SEZ6L: variants seen among roughly 807,000 people sequenced by gnomAD.
SEZ6L encodes seizure 6-like protein.
A neutral mutation model predicts 106.2 loss-of-function variants in SEZ6L; 37 were observed. That is an observed-to-expected ratio of 0.35 (90% confidence interval 0.27 to 0.46). The LOEUF (loss-of-function observed/expected upper bound fraction) is 0.46. SEZ6L is among the 20% of genes least tolerant of loss of function. The pLI, the probability that SEZ6L is intolerant of heterozygous loss-of-function variation, is 1.00. For synonymous variants in SEZ6L, 541 were observed against 570.4 expected (o/e 0.95, Z 0.73); for missense variants, 1,172 against 1,332.8 (o/e 0.88, Z 1.88).
intron 9 of SEZ6L, among the ~76,000 whole-genome samples, chr22:26,323,133 C>T (rs1166732247): frequency 6.6e-6 from 1 of 152,154 alleles, no homozygotes; most frequent in African/African-American, 2.4e-5. Flanking sequence ...GGGCCACAAC[C>T]TTGAAGATGC....
chr22:26,207,319 G>A (rs1941325686), intron 1 of SEZ6L, among the ~76,000 whole-genome samples: 1 of 152,174 alleles, frequency 6.6e-6, no homozygotes, highest in African/African-American at 2.4e-5. Flanking sequence ...TTTGCAGGGA[G>A]ACCTCATATA....
intron 1 of SEZ6L, among the ~76,000 whole-genome samples, chr22:26,181,510 A>T (rs1939391702): frequency 6.6e-6 from 1 of 152,224 alleles, no homozygotes; most frequent in African/African-American, 2.4e-5. Flanking sequence ...TAATTTGCAT[A>T]CTTTAACTTC....
chr22:26,293,483 A>G (rs1013699493), intron 2 of SEZ6L, among the ~76,000 whole-genome samples: 1 of 152,146 alleles, frequency 6.6e-6, no homozygotes, highest in Non-Finnish European at 1.5e-5. Flanking sequence ...AGCATGCACT[A>G]TGATGTCCAG....
intron 16 of SEZ6L, among the ~76,000 whole-genome samples, chr22:26,379,680 A>G (rs753222923): frequency 6.6e-6 from 1 of 152,248 alleles, no homozygotes; most frequent in Non-Finnish European, 1.5e-5. Flanking sequence ...GCAATGGTAG[A>G]TCAGGGCATA....
intron 1 of SEZ6L, among the ~76,000 whole-genome samples, chr22:26,188,799 G>C (rs926299295): frequency 6.6e-6 from 1 of 152,150 alleles, no homozygotes; most frequent in Non-Finnish European, 1.5e-5. Flanking sequence ...CTTAACCCGG[G>C]AGATTATGGT....
At chr22:26,293,217 G>A (rs2081195223) in intron 2 of SEZ6L, 71 bp downstream of exon 2, 12 of 1,442,552 alleles carry the variant, frequency 8.3e-6, no homozygotes, top group Non-Finnish European at 1.1e-5. Context: ...AGGGCATGTG[G>A]GTAGAGGAAT....
At chr22:26,314,660 G>A (rs181122779) in intron 9 of SEZ6L, among the ~76,000 whole-genome samples, 1 of 152,328 alleles carries the variant, frequency 6.6e-6, no homozygotes, top group East Asian at 1.9e-4. Context: ...TGTATTCACA[G>A]GGGGTAACCA....
chr22:26,320,761 G>A (rs1250551825), intron 9 of SEZ6L, among the ~76,000 whole-genome samples: 2 of 152,186 alleles, frequency 1.3e-5, no homozygotes, highest in Non-Finnish European at 2.9e-5. Context: ...GTCTAAGTCA[G>A]TTTTTCTCAA....
Position 26,292,508 on chromosome 22 carries a change from T to C in SEZ6L, c.197T>C (p.Val66Ala). 1 of 1,612,822 alleles carries C rather than the reference T, an allele frequency of 6.2e-7. No homozygotes were observed. Among genetic ancestry groups the C allele is most frequent in the African/African-American group, 1.3e-5 (1 of 74,654 alleles). The change falls in exon 2 of 17, where the codon GTG (valine) becomes GCG (alanine). Residue 66 changes from valine to alanine, a missense_variant. Physicochemically the swap from Val to Ala is moderately conservative, Grantham distance 64. Coordinates refer to ENST00000248933, the MANE Select transcript of SEZ6L (RefSeq NM_021115.5). ...GGCAAAGAGCACCCTGAAGAGAGAG[T>C]GGTAACAGCGCCCCCCAGTTCCTCA... ...SPGKEHPEER[V>A]VTAPPSSSQS...
At chr22:26,180,993 T>A (rs942851987) in intron 1 of SEZ6L, among the ~76,000 whole-genome samples, 2 of 152,212 alleles carry the variant, frequency 1.3e-5, no homozygotes, top group Non-Finnish European at 2.9e-5. Flanking sequence ...ACTCTGCCAA[T>A]TCTGTGTTGT....
chr22:26,257,145 A>G (rs1179205056), intron 1 of SEZ6L, among the ~76,000 whole-genome samples: 2 of 152,202 alleles, frequency 1.3e-5, no homozygotes, highest in African/African-American at 4.8e-5. Flanking sequence ...GCTATTAAAC[A>G]TCTTAAAATG....
chr22:26,219,254 G>GTTGT (rs1556124263), intron 1 of SEZ6L, among the ~76,000 whole-genome samples: 48 of 135,088 alleles, frequency 3.6e-4, no homozygotes, highest in East Asian at 6.4e-4. Flanking sequence ...AGAAATACAA[G>GTTGT]TTTTTTTTTT....
At chr22:26,298,876 G>A (rs2081372529) in intron 4 of SEZ6L, 108 bp from the exon 5 acceptor site, 1 of 1,021,822 alleles carries the variant, frequency 9.8e-7, no homozygotes, top group Non-Finnish European at 1.4e-6. Flanking sequence ...GGAGTCCCCA[G>A]GGGCCTCATC....
rs565139727 is a variant in SEZ6L, at chr22:26,224,979, C to A, written c.94+55216C>A. 1.1e-3 allele frequency among the ~76,000 whole-genome samples: 174 copies of A among 152,084 alleles called. 1 individual carries two copies. Among genetic ancestry groups the A allele is most frequent in the Non-Finnish European group, 2.1e-3 (142 of 68,026 alleles). On this transcript the variant is annotated intron_variant, in intron 1 of 16. Coordinates refer to ENST00000248933, the MANE Select transcript of SEZ6L (RefSeq NM_021115.5). ...CTAGCTATTGTTACAAAAAAAAAGCCCTACAATTAACATGTTTCACTTTGG... is the reference window on the plus strand; with the variant it reads ...CTAGCTATTGTTACAAAAAAAAAGCACTACAATTAACATGTTTCACTTTGG...
chr22:26,243,745 A>C (rs2079219179), intron 1 of SEZ6L, among the ~76,000 whole-genome samples: 1 of 152,154 alleles, frequency 6.6e-6, no homozygotes, highest in Non-Finnish European at 1.5e-5. Context: ...CTAAAAGAAG[A>C]GGAGGAGGAC....
At chr22:26,180,821 C>A (rs1038557803) in intron 1 of SEZ6L, among the ~76,000 whole-genome samples, 1 of 152,214 alleles carries the variant, frequency 6.6e-6, no homozygotes, top group Admixed American at 6.5e-5. Flanking sequence ...GGTAGGAACA[C>A]AGAATGTGGC....
chr22:26,353,231 C>T (rs1201093415), intron 12 of SEZ6L, among the ~76,000 whole-genome samples: 1 of 152,024 alleles, frequency 6.6e-6, no homozygotes, highest in African/African-American at 2.4e-5. Context: ...ATGCAACTGC[C>T]CCCATTGTAC....
At chr22:26,201,485 T>G (rs1407019535) in intron 1 of SEZ6L, among the ~76,000 whole-genome samples, 1 of 150,994 alleles carries the variant, frequency 6.6e-6, no homozygotes. Context: ...GGCTTGAACC[T>G]GGGAGGCAGA....
At chr22:26,225,798 TG>T (rs2078618607) in intron 1 of SEZ6L, among the ~76,000 whole-genome samples, 1 of 152,206 alleles carries the variant, frequency 6.6e-6, no homozygotes, top group Non-Finnish European at 1.5e-5. Context: ...AAATAAAGAA[TG>T]GCTTCTAGTT....
Sources: allele counts gnomAD v4.1 joint callset (sites outside exome capture counted in the v4.1 genomes callset), GRCh38; gene constraint gnomAD v4.1.1; transcripts MANE v1.5; gene names NCBI Gene and HGNC (gene_info 2026-07-23, HGNC 2026-07-21).